The following CD200R1 variants were observed in gnomAD, a reference collection of about 807,000 sequenced individuals.
The protein encoded by CD200R1 is cell surface glycoprotein CD200 receptor 1.
In CD200R1, 30 loss-of-function variants were observed where a neutral mutation model predicts 38.1. The ratio of observed to expected loss-of-function variants is 0.79; its 90% confidence interval spans 0.59 to 1.07. CD200R1 has a LOEUF of 1.07. Among genes scored for constraint, CD200R1 ranks in the 50% least tolerant of loss-of-function variants. The pLI is 0.00. For synonymous variants in CD200R1, 128 were observed against 152.1 expected, an observed-to-expected ratio of 0.84 and a Z score of 1.16; for missense variants, 372 against 415.4, an observed-to-expected ratio of 0.90 and a Z score of 0.91.
chr3:112,957,138 G>C (rs1941116475), intron 1 of CD200R1, among the ~76,000 whole-genome samples: 1 of 152,116 alleles, frequency 6.6e-6, no homozygotes, highest in Non-Finnish European at 1.5e-5. Flanking sequence ...GTCTAGAATG[G>C]GGTAAGAGGT....
intron 1 of CD200R1, among the ~76,000 whole-genome samples, chr3:112,963,379 T>C (rs1414499950): frequency 6.6e-6 from 1 of 152,166 alleles, no homozygotes; most frequent in Non-Finnish European, 1.5e-5. Context: ...CCTAGAGACT[T>C]GTTGAATGGC....
intron 2 of CD200R1, among the ~76,000 whole-genome samples, chr3:112,938,875 A>G (rs570785384): frequency 2.0e-5 from 3 of 152,164 alleles, no homozygotes. Context: ...TATATATAAA[A>G]TACTAGCAAA....
intron 1 of CD200R1, among the ~76,000 whole-genome samples, chr3:112,948,595 A>G (rs755380573): frequency 2.0e-5 from 3 of 152,178 alleles, no homozygotes; most frequent in Non-Finnish European, 4.4e-5. Flanking sequence ...TGATCTGACA[A>G]GAGGTGGAGC....
At chr3:112,963,875 G>GA (rs746380839) in intron 1 of CD200R1, among the ~76,000 whole-genome samples, 6 of 152,050 alleles carry the variant, frequency 3.9e-5, no homozygotes, top group African/African-American at 9.7e-5. Context: ...AGGGTTAGGA[G>GA]AAAAAAATGG....
At chr3:112,925,408 T>C (rs186405053) in intron 5 of CD200R1, among the ~76,000 whole-genome samples, 10 of 152,086 alleles carry the variant, frequency 6.6e-5, no homozygotes, top group African/African-American at 2.2e-4. Flanking sequence ...ACTAGGGGAA[T>C]AGTCAATAAA....
At position 112,974,915 on chromosome 3, in the gene CD200R1, A is replaced by C; in HGVS notation, c.-58T>G. 7.3e-7 allele frequency: 1 copy of C among 1,364,218 alleles called. No individual in the cohort carries two copies. Among genetic ancestry groups the C allele is most frequent in the Non-Finnish European group, 1.0e-6 (1 of 955,578 alleles). The allele number at this position is 1,364,218 out of a possible 1,614,324, so 84.5% of individuals were successfully genotyped here. A position where few individuals can be genotyped will look rare whatever the true frequency, so the allele number is the denominator to read the frequency against. On this transcript the variant is annotated 5_prime_UTR_variant, in exon 1 of 8. Transcript: ENST00000308611. ...TACTTTTCCTCCACACAGGTACAGAAGGAACTGTGCGCATGGTGAGACCCT... is the reference window on the plus strand; with the variant it reads ...TACTTTTCCTCCACACAGGTACAGACGGAACTGTGCGCATGGTGAGACCCT...
chr3:112,959,109 C>T (rs890750547), intron 1 of CD200R1, among the ~76,000 whole-genome samples: 1 of 152,126 alleles, frequency 6.6e-6, no homozygotes, highest in Non-Finnish European at 1.5e-5. Flanking sequence ...TAGAGATAGA[C>T]ATTTCTGCAA....
At chr3:112,948,040 C>A in intron 1 of CD200R1, 116 bp from the exon 2 acceptor site, 1 of 703,740 alleles carries the variant, frequency 1.4e-6, no homozygotes, top group South Asian at 1.6e-5. Flanking sequence ...TTGCAGTTGC[C>A]AATGAATATC....
intron 2 of CD200R1, among the ~76,000 whole-genome samples, chr3:112,947,554 C>T (rs151076533): frequency 3.9e-5 from 6 of 152,230 alleles, no homozygotes; most frequent in South Asian, 2.1e-4. Context: ...GAAAATAAAT[C>T]ATTAACACCT....
Position 112,930,244 on chromosome 3 carries a change from TAA to T in CD200R1, c.203-739_203-738del, listed in dbSNP as rs926560928. Among the ~76,000 whole-genome samples the T allele has an allele frequency of 5.9e-4, 90 of 152,274 alleles. 1 individual carries two copies. Among genetic ancestry groups the T allele is most frequent in the Admixed American group, 3.9e-4 (6 of 15,286 alleles). On this transcript the variant is annotated intron_variant, in intron 3 of 7. Transcript: ENST00000308611. ...AAAATATAGTGTGATATATAATTTT[TAA>T]AAAACGATTTATTTCCCTTTAGACA...
intron 6 of CD200R1, 21 bp from the exon 7 acceptor site, chr3:112,924,556 G>T (rs72491120): frequency 0.041 from 46,997 of 1,151,212 alleles, 1,484 homozygotes; most frequent in East Asian, 0.18. Context: ...AAAATAAATT[G>T]AAGTGAATGG....
chr3:112,953,000 T>C (rs767554277), intron 1 of CD200R1, among the ~76,000 whole-genome samples: 17 of 152,196 alleles, frequency 1.1e-4, no homozygotes, highest in Non-Finnish European at 1.9e-4. Flanking sequence ...CCATGTTGAA[T>C]ACAAGCGGCA....
chr3:112,925,703 T>A (rs1184565610), intron 5 of CD200R1, among the ~76,000 whole-genome samples: 1 of 152,078 alleles, frequency 6.6e-6, no homozygotes, highest in Non-Finnish European at 1.5e-5. Flanking sequence ...AGGGCTTATA[T>A]GGGAAATTTC....
Position 112,928,839 on chromosome 3 carries a change from C to A in CD200R1, c.746G>T (p.Ser249Ile). ...ACCAGGAAGTAGCTCTATGTACAGA[C>A]TCTTGTTGCCAGTCAAATGGGAGAC... ...CHVSHLTGNK[S>I]LYIELLPVPG... The change falls in exon 5 of 8, where the codon AGT becomes ATT. Residue 249 changes from serine to isoleucine, a missense_variant. Transcript: ENST00000308611. 6.2e-7 allele frequency: 1 copy of A among 1,613,370 alleles called. No homozygotes were observed. The highest frequency in any genetic ancestry group is 1.1e-5 in the South Asian group (1 of 91,046).
chr3:112,967,113 C>T (rs1933183909), intron 1 of CD200R1, among the ~76,000 whole-genome samples: 2 of 151,982 alleles, frequency 1.3e-5, no homozygotes, highest in African/African-American at 2.4e-5. Flanking sequence ...CCTATCTTCA[C>T]TGCCTCCTCT....
chr3:112,970,276 G>A (rs1226468141), intron 1 of CD200R1, among the ~76,000 whole-genome samples: 1 of 152,118 alleles, frequency 6.6e-6, no homozygotes, highest in Non-Finnish European at 1.5e-5. Context: ...TGGGGTCTAG[G>A]CATATAAATT....
chr3:112,969,840 A>T (rs1394729246), intron 1 of CD200R1, among the ~76,000 whole-genome samples: 1 of 152,108 alleles, frequency 6.6e-6, no homozygotes, highest in Non-Finnish European at 1.5e-5. Flanking sequence ...CAATAACTCA[A>T]AGTAACAGAC....
chr3:112,952,985 C>T (rs1941003242), intron 1 of CD200R1, among the ~76,000 whole-genome samples: 1 of 152,034 alleles, frequency 6.6e-6, no homozygotes, highest in Non-Finnish European at 1.5e-5. Flanking sequence ...TTTATGCTTC[C>T]AGTACCATGT....
chr3:112,939,869 C>CAA (rs199986714), intron 2 of CD200R1, among the ~76,000 whole-genome samples: 4,515 of 120,274 alleles, frequency 0.038, 175 homozygotes, highest in South Asian at 0.089. Context: ...ACAAACAAAC[C>CAA]AAAAAAAAAA....
Sources: gnomAD v4.1 joint callset for allele counts (sites outside exome capture counted in the v4.1 genomes callset) on GRCh38, gnomAD v4.1.1 for gene constraint, MANE v1.5 for transcripts, NCBI Gene and HGNC (gene_info 2026-07-23, HGNC 2026-07-21) for gene names.